Variants in PHF11 observed in about 807,000 individuals in gnomAD.
PHF11 encodes BRCA1 C-terminus-associated protein.
PHF11 carries 38 observed loss-of-function variants against 40.5 expected under a neutral mutation model. That is an observed-to-expected ratio of 0.94 (90% CI 0.72 to 1.23). The LOEUF (loss-of-function observed/expected upper bound fraction) is 1.23, where lower values mean the gene tolerates loss of function less well. Ranked by LOEUF, PHF11 falls within the 50% of genes most tolerant of loss-of-function variation. The pLI, the probability that PHF11 is intolerant of heterozygous loss-of-function variation, is 0.00. For synonymous variants in PHF11, 127 were observed against 138.2 expected (o/e 0.92, Z 0.57); for missense variants, 369 against 392.4 (o/e 0.94, Z 0.50).
chr13:49,496,423 C>T, intron 1 of PHF11: 1 of 1,077,340 alleles, frequency 9.3e-7, no homozygotes, highest in Non-Finnish European at 1.1e-6. Flanking sequence ...CCGATGTCAA[C>T]TCTCCTAGCG....
At chr13:49,510,794 T>G (rs2139049508) in intron 2 of PHF11, among the ~76,000 whole-genome samples, 1 of 152,328 alleles carries the variant, frequency 6.6e-6, no homozygotes, top group East Asian at 1.9e-4. Context: ...TTTATTCTAA[T>G]ATACTGTTGA....
At chr13:49,519,023 G>C (rs986268192) in intron 4 of PHF11, among the ~76,000 whole-genome samples, 1 of 151,852 alleles carries the variant, frequency 6.6e-6, no homozygotes, top group Non-Finnish European at 1.5e-5. Context: ...TTTTAGTAGA[G>C]ACGGGGTTTC....
chr13:49,518,340 ATT>A (rs1050602843), intron 4 of PHF11, 189 bp downstream of exon 4: 1 of 269,374 alleles, frequency 3.7e-6, no homozygotes, highest in African/African-American at 2.4e-5. Flanking sequence ...ATATATATAT[ATT>A]ATTTTAGTCA....
intron 1 of PHF11, among the ~76,000 whole-genome samples, chr13:49,498,252 T>G (rs888014343): frequency 3.9e-5 from 6 of 152,248 alleles, no homozygotes; most frequent in African/African-American, 1.4e-4. Context: ...TACTTGTATA[T>G]AACACTACGG....
At chr13:49,506,898 CTTT>C (rs1169962633) in intron 2 of PHF11, 142 bp downstream of exon 2, 1,317 of 143,302 alleles carry the variant, frequency 9.2e-3, no homozygotes, top group Middle Eastern at 0.016. Context: ...GGGAGCATTT[CTTT>C]TTTTTTTTTT....
intron 1 of PHF11, among the ~76,000 whole-genome samples, chr13:49,501,852 G>A (rs1220977474): frequency 1.4e-4 from 21 of 152,012 alleles, no homozygotes; most frequent in Middle Eastern, 3.4e-3. Context: ...CACCATGCCC[G>A]GCTAATTTTT....
At position 49,496,106 on chromosome 13, in the gene PHF11, CG is replaced by C; in HGVS notation, c.94+16del. ...TCCTCCTTCCCACCGGTGTGTACCG[CG>C]GGGGCGGGCGGGCGGGCGGGCGGGG... On this transcript the variant is annotated intron_variant, in intron 1 of 9. Coordinates refer to ENST00000378319, the MANE Select transcript of PHF11 (RefSeq NM_001040443.3). 3.5e-6 allele frequency: 1 copy of C among 283,044 alleles called. No homozygotes were observed. The highest frequency in any genetic ancestry group is 5.1e-6 in the Non-Finnish European group (1 of 197,680). The allele number at this position is 283,044 out of a possible 1,614,324, so 17.5% of individuals were successfully genotyped here.
intron 1 of PHF11, among the ~76,000 whole-genome samples, chr13:49,497,649 T>C (rs1958835397): frequency 6.6e-6 from 1 of 152,234 alleles, no homozygotes; most frequent in Non-Finnish European, 1.5e-5. Context: ...AAAATGCTTT[T>C]TGAAAAACAA....
rs144730603 is a variant in PHF11 at position 49,512,901 on chromosome 13, G to C, written c.217-158G>C. On this transcript the variant is annotated intron_variant, in intron 2 of 9. Transcript: ENST00000378319. ...AGGGTCATTCCCAGAGAAATGGGAT[G>C]GCTTATGGTCTGCTCATCCACCCCC... Among the ~76,000 whole-genome samples, 5 of 152,274 alleles carry C rather than the reference G, an allele frequency of 3.3e-5. No homozygotes were observed. The East Asian group carries it at 7.7e-4, about 24-fold the overall frequency.
chr13:49,497,424 G>A (rs1958832039), intron 1 of PHF11, among the ~76,000 whole-genome samples: 1 of 152,048 alleles, frequency 6.6e-6, no homozygotes, highest in South Asian at 2.1e-4. Flanking sequence ...AACCTTAGTG[G>A]CTCCTCAGGG....
Position 49,516,410 on chromosome 13 carries a change from A to G in PHF11, c.325-1608A>G, listed in dbSNP as rs931853583. Among the ~76,000 whole-genome samples the G allele has an allele frequency of 4.0e-4, 60 of 151,240 alleles. 1 individual carries two copies. The Admixed American group carries it at 4.0e-3, about 10-fold the overall frequency. On this transcript the variant is annotated intron_variant, in intron 3 of 9. Coordinates refer to ENST00000378319, the MANE Select transcript of PHF11 (RefSeq NM_001040443.3). ...TGTATTTTTAAATGAATAAATGTTT[A>G]TTAGCCATTTGTATTTTTTCTTCTG...
intron 1 of PHF11, among the ~76,000 whole-genome samples, chr13:49,504,901 A>C (rs1035379475): frequency 1.0e-4 from 15 of 149,288 alleles, no homozygotes; most frequent in African/African-American, 3.7e-4. Flanking sequence ...GATCCTGTTG[A>C]TCTGTGACCT....
chr13:49,509,773 C>T (rs1255711469), intron 2 of PHF11, among the ~76,000 whole-genome samples: 1 of 152,170 alleles, frequency 6.6e-6, no homozygotes, highest in East Asian at 1.9e-4. Context: ...CTCCCCCTTA[C>T]CTTCTTCCGT....
intron 5 of PHF11, chr13:49,521,174 T>C: frequency 1.7e-6 from 2 of 1,175,980 alleles, no homozygotes; most frequent in Non-Finnish European, 2.1e-6. Flanking sequence ...GTATCTTTCA[T>C]TCTCCCTACG....
At chr13:49,508,861 G>T (rs1959046323) in intron 2 of PHF11, among the ~76,000 whole-genome samples, 2 of 151,854 alleles carry the variant, frequency 1.3e-5, no homozygotes, top group African/African-American at 4.8e-5. Flanking sequence ...GATATTAATG[G>T]GATGCTCCAA....
At chr13:49,507,780 G>T (rs2139043464) in intron 2 of PHF11, among the ~76,000 whole-genome samples, 1 of 152,236 alleles carries the variant, frequency 6.6e-6, no homozygotes, top group Admixed American at 6.5e-5. Flanking sequence ...AAACAGAATG[G>T]TTTATGGGTA....
chr13:49,506,829 A>C lies in PHF11; in HGVS notation c.216+73A>C, dbSNP rs1175455618. The C allele has an allele frequency of 3.1e-6, 3 of 956,862 alleles. No individual in the cohort carries two copies. The East Asian group carries it at 8.9e-5, about 28-fold the overall frequency. 59.3% of individuals were successfully genotyped at this position (956,862 alleles called of 1,614,324 possible). On this transcript the variant is annotated intron_variant, in intron 2 of 9. Transcript: ENST00000378319. ...TAGGACACATAAGAATAGATAAACA[A>C]CACTTTGGACACAAAGAATAACAAG...
At chr13:49,521,034 AAAATAC>A in intron 5 of PHF11, 94 bp downstream of exon 5, 1 of 1,443,678 alleles carries the variant, frequency 6.9e-7, no homozygotes. Flanking sequence ...TCGTTGAATT[AAAATAC>A]AAATGTTTGA....
chr13:49,518,160 T>A lies in PHF11; in HGVS notation c.458+9T>A. On this transcript the variant is annotated intron_variant, in intron 4 of 9. Coordinates refer to ENST00000378319, the MANE Select transcript of PHF11 (RefSeq NM_001040443.3). ...GTTCGAGGAATTTATAAGTATTTAA[T>A]AAAACATTTTTAAAACCACATTTGG... is the stretch of plus-strand genomic sequence containing the variant. 2 of 1,571,996 alleles carry A rather than the reference T, an allele frequency of 1.3e-6. No individual in the cohort carries two copies. Among genetic ancestry groups the A allele is most frequent in the South Asian group, 2.4e-5 (2 of 83,520 alleles).
Sources: gnomAD v4.1 joint callset for allele counts (sites outside exome capture counted in the v4.1 genomes callset) on GRCh38, gnomAD v4.1.1 for gene constraint, MANE v1.5 for transcripts, NCBI Gene and HGNC (gene_info 2026-07-23, HGNC 2026-07-21) for gene names.